Variants in MCF2L observed in about 807,000 individuals in gnomAD.
MCF2L encodes the protein guanine nucleotide exchange factor DBS.
A neutral mutation model predicts 153.4 loss-of-function variants in MCF2L; 97 were observed. The observed-to-expected ratio is 0.63, with a 90% CI of 0.54 to 0.75. The LOEUF (loss-of-function observed/expected upper bound fraction) is 0.75, where lower values mean the gene tolerates loss of function less well. Among genes scored for constraint, MCF2L ranks in the 30% least tolerant of loss-of-function variants. MCF2L has a pLI of 0.00. For missense variants in MCF2L, 1,347 were observed against 1,495.2 expected (o/e 0.90, Z 1.64); for synonymous variants, 659 against 632.2 (o/e 1.04, Z -0.64).
chr13:112,984,258 T>C (rs1815567), intron 1 of MCF2L, among the ~76,000 whole-genome samples: 136,116 of 151,428 alleles, frequency 0.9, 61,809 homozygotes, highest in Non-Finnish European at 0.98. Flanking sequence ...TTTTTTGAGA[T>C]GGAGTCTCGC....
chr13:113,004,453 G>A (rs970450346), intron 1 of MCF2L, among the ~76,000 whole-genome samples: 2 of 152,202 alleles, frequency 1.3e-5, no homozygotes, highest in East Asian at 1.9e-4. Flanking sequence ...CCCCCATGGC[G>A]CAGTGCTGGG....
chr13:112,981,341 C>A (rs187227221), intron 1 of MCF2L, among the ~76,000 whole-genome samples: 2 of 152,172 alleles, frequency 1.3e-5, no homozygotes, highest in African/African-American at 4.8e-5. Flanking sequence ...ACTCTCACAG[C>A]GACAGGGCCT....
At chr13:112,981,465 G>A (rs1427688678) in intron 1 of MCF2L, among the ~76,000 whole-genome samples, 4 of 152,218 alleles carry the variant, frequency 2.6e-5, no homozygotes, top group African/African-American at 9.6e-5. Context: ...ACTGAGCCAC[G>A]TCCTGCCCTT....
In MCF2L at chr13:112,922,422, T is replaced by G. The variant is rs577882512; in HGVS notation, c.169+20051T>G. On this transcript the variant is annotated intron_variant, in intron 2 of 29. Coordinates refer to the MCF2L transcript ENST00000375608. The stretch of plus-strand genomic sequence containing the variant: ...GTCACTTTATGTAGTGATTTCAACA[T>G]TGATCCCCAAACCTGGCAACATAGT... Among the ~76,000 whole-genome samples, 29 of 152,322 alleles carry G rather than the reference T, an allele frequency of 1.9e-4. 1 individual carries two copies. Among genetic ancestry groups the G allele is most frequent in the African/African-American group, 4.8e-4 (20 of 41,564 alleles).
At chr13:112,917,286 A>G (rs1024726466) in intron 2 of MCF2L, 6 of 419,512 alleles carry the variant, frequency 1.4e-5, no homozygotes, top group Non-Finnish European at 2.4e-5. Context: ...AGCTCCATCC[A>G]CCATAGTTCA....
At chr13:112,895,296 C>T (rs866601381) in intron 1 of MCF2L, among the ~76,000 whole-genome samples, 1 of 152,114 alleles carries the variant, frequency 6.6e-6, no homozygotes. Flanking sequence ...GCCGGGACCC[C>T]GAAGGGGTTA....
chr13:113,055,380 CG>C (rs60120853), intron 4 of MCF2L, among the ~76,000 whole-genome samples: 1,293 of 46,818 alleles, frequency 0.028, 487 homozygotes, highest in Non-Finnish European at 0.041. Context: ...CCCCCCCCCC[CG>C]CCACACACAC....
intron 1 of MCF2L, chr13:112,985,219 G>A: frequency 2.7e-6 from 1 of 364,656 alleles, no homozygotes; most frequent in Non-Finnish European, 5.6e-6. Context: ...GTAATTGCCT[G>A]GCGTACTCTG....
At chr13:113,019,349 A>G (rs112381786) in intron 2 of MCF2L, among the ~76,000 whole-genome samples, 2,049 of 152,260 alleles carry the variant, frequency 0.013, 49 homozygotes, top group African/African-American at 0.047. Context: ...ACACTCACCA[A>G]GGCCCGACGG....
chr13:112,986,557 C>T (rs747222842), intron 1 of MCF2L, among the ~76,000 whole-genome samples: 4 of 152,242 alleles, frequency 2.6e-5, no homozygotes, highest in African/African-American at 4.8e-5. Flanking sequence ...GCGGTGCTCC[C>T]GGGAGACCAC....
chr13:113,055,360 G>T (rs554242352), intron 4 of MCF2L, among the ~76,000 whole-genome samples: 6 of 127,284 alleles, frequency 4.7e-5, no homozygotes, highest in African/African-American at 1.9e-4. Flanking sequence ...GCACCTGCTG[G>T]AGACGTGGAC....
intron 26 of MCF2L, chr13:113,090,446 CCCCGCCTTCT>C (rs1226425931): frequency 3.8e-4 from 371 of 983,666 alleles, no homozygotes; most frequent in Non-Finnish European, 4.3e-4. Context: ...TGCCCCCCAC[CCCCGCCTTCT>C]CCCGCCTTCT....
rs1448385805 is a variant in MCF2L, at chr13:113,070,006, G to A, written c.882-53G>A. Reference sequence around the variant, plus strand: ...CGCTTGAACACCCACCGCGCTCCACGTTGCATGGGGCGCCGTGGGCCACAC... The same window carrying A: ...CGCTTGAACACCCACCGCGCTCCACATTGCATGGGGCGCCGTGGGCCACAC... On this transcript the variant is annotated intron_variant, in intron 8 of 29. Transcript: ENST00000535094. This position sits in a 1 kb window ranked among gnomAD's most constrained non-coding sequence, Gnocchi z 5.6. 43 of 1,360,694 alleles carry A rather than the reference G, an allele frequency of 3.2e-5. No individual in the cohort carries two copies. Among genetic ancestry groups the A allele is most frequent in the East Asian group, 2.4e-4 (10 of 41,612 alleles). 84.3% of individuals were successfully genotyped at this position (1,360,694 alleles called of 1,614,324 possible).
intron 2 of MCF2L, among the ~76,000 whole-genome samples, chr13:112,964,067 C>CGT (rs1179048129): frequency 1.4e-5 from 2 of 147,456 alleles, no homozygotes; most frequent in African/African-American, 5.0e-5. Flanking sequence ...GAGGAGACGG[C>CGT]GTCCACTTGC....
At chr13:112,914,054 T>C (rs890222109) in intron 2 of MCF2L, among the ~76,000 whole-genome samples, 13 of 152,300 alleles carry the variant, frequency 8.5e-5, no homozygotes, top group African/African-American at 3.1e-4. Flanking sequence ...CCAGCCTGGG[T>C]TCTTTTCTTT....
At chr13:113,090,688 C>T (rs772416653) in intron 26 of MCF2L, 258 of 985,450 alleles carry the variant, frequency 2.6e-4, no homozygotes, top group African/African-American at 4.2e-4. Flanking sequence ...CCGGCCCTGG[C>T]GTGCAGGCGG....
intron 4 of MCF2L, among the ~76,000 whole-genome samples, chr13:113,058,122 G>A (rs2030574221): frequency 6.6e-6 from 1 of 150,800 alleles, no homozygotes; most frequent in African/African-American, 2.4e-5. Context: ...TGGGTGCTGA[G>A]TGTTTAGGTG....
chr13:113,011,975 G>A (rs1203937198), intron 1 of MCF2L, among the ~76,000 whole-genome samples: 1 of 103,914 alleles, frequency 9.6e-6, no homozygotes, highest in Non-Finnish European at 2.1e-5. Context: ...GGACAGGCTG[G>A]GTGGATGGTG....
intron 1 of MCF2L, among the ~76,000 whole-genome samples, chr13:112,980,494 C>T (rs919724402): frequency 2.0e-5 from 3 of 152,170 alleles, no homozygotes; most frequent in African/African-American, 2.4e-5. Flanking sequence ...GGATGGGCGG[C>T]GGCTGGGCAT....
Sources: gnomAD v4.1 joint callset for allele counts (sites outside exome capture counted in the v4.1 genomes callset) on GRCh38, gnomAD v4.1.1 for gene constraint, Gnocchi (gnomAD v3.1) non-coding constraint, MANE v1.5 for transcripts, NCBI Gene and HGNC (gene_info 2026-07-23, HGNC 2026-07-21) for gene names.